Variants in ADK observed in about 807,000 individuals in gnomAD.
The protein encoded by ADK is adenosine kinase.
A neutral mutation model predicts 44.7 loss-of-function variants in ADK; 24 were observed. That is an observed-to-expected ratio of 0.54 (90% CI 0.39 to 0.76). The LOEUF is 0.76. Ranked by LOEUF, ADK falls within the 30% of genes least tolerant of loss-of-function variation. The pLI is 0.00. For synonymous variants in ADK, 128 were observed against 142.6 expected (o/e 0.90, Z 0.73); for missense variants, 321 against 425.1 (o/e 0.76, Z 2.15).
chr10:74,337,832 G>C (rs961827230), intron 4 of ADK, among the ~76,000 whole-genome samples: 1 of 149,442 alleles, frequency 6.7e-6, no homozygotes, highest in Admixed American at 6.7e-5. Flanking sequence ...ATGCAATCTC[G>C]GCTCACCGCA....
intron 1 of ADK, among the ~76,000 whole-genome samples, chr10:74,172,029 A>G (rs1002420385): frequency 1.3e-5 from 2 of 152,106 alleles, no homozygotes; most frequent in African/African-American, 4.8e-5. Context: ...TTGTGTTTGT[A>G]ACTGCTGACA....
At chr10:74,573,953 G>A (rs954291120) in intron 7 of ADK, among the ~76,000 whole-genome samples, 4 of 152,160 alleles carry the variant, frequency 2.6e-5, no homozygotes, top group African/African-American at 7.2e-5. Flanking sequence ...GACCCCTTGC[G>A]CTTCCCGAGT....
At chr10:74,363,996 T>C (rs1842422530) in intron 4 of ADK, among the ~76,000 whole-genome samples, 1 of 152,222 alleles carries the variant, frequency 6.6e-6, no homozygotes, top group African/African-American at 2.4e-5. Context: ...TGGAGCCCCT[T>C]GTCTCATTGA....
At chr10:74,500,753 A>G (rs1316341840) in intron 6 of ADK, among the ~76,000 whole-genome samples, 6 of 152,192 alleles carry the variant, frequency 3.9e-5, no homozygotes, top group Non-Finnish European at 8.8e-5. Flanking sequence ...AATGTTTGCT[A>G]TCTAGTGTCA....
At chr10:74,170,809 A>G (rs1484162970) in intron 1 of ADK, among the ~76,000 whole-genome samples, 3 of 151,300 alleles carry the variant, frequency 2.0e-5, no homozygotes, top group Non-Finnish European at 2.9e-5. Flanking sequence ...CAAAAAAAAA[A>G]AAAAAAGAAA....
At chr10:74,409,296 T>C (rs1844078628) in intron 6 of ADK, among the ~76,000 whole-genome samples, 1 of 152,276 alleles carries the variant, frequency 6.6e-6, no homozygotes, top group Non-Finnish European at 1.5e-5. Context: ...AAGTTTAGGC[T>C]TATTATGGGG....
intron 7 of ADK, among the ~76,000 whole-genome samples, chr10:74,534,513 C>G (rs1417411617): frequency 1.3e-5 from 2 of 152,094 alleles, no homozygotes; most frequent in Non-Finnish European, 1.5e-5. Context: ...GGGTTCTAAT[C>G]ATGACAACTA....
At chr10:74,427,565 G>T (rs989563889) in intron 6 of ADK, among the ~76,000 whole-genome samples, 5 of 152,096 alleles carry the variant, frequency 3.3e-5, no homozygotes, top group Non-Finnish European at 5.9e-5. Context: ...AGTGAGCCTG[G>T]TTTCTCACTA....
intron 9 of ADK, among the ~76,000 whole-genome samples, chr10:74,602,334 C>T (rs1852169899): frequency 2.0e-5 from 3 of 152,098 alleles, no homozygotes; most frequent in Admixed American, 2.0e-4. Context: ...TAGCAGTGGA[C>T]AGTTTAGAAA....
At chr10:74,541,807 A>T (rs1433873409) in intron 7 of ADK, among the ~76,000 whole-genome samples, 5 of 14,858 alleles carry the variant, frequency 3.4e-4, no homozygotes, top group Admixed American at 8.1e-4. Context: ...CCCCCCCCCT[A>T]AAAAAAAACA....
At chr10:74,472,891 CATA>C (rs1321888227) in intron 6 of ADK, among the ~76,000 whole-genome samples, 1 of 152,090 alleles carries the variant, frequency 6.6e-6, no homozygotes, top group Admixed American at 6.5e-5. Context: ...TTTTAGATGT[CATA>C]ATTTTAGCCA....
chr10:74,669,446 G>A (rs952696790), intron 9 of ADK, among the ~76,000 whole-genome samples: 1 of 152,146 alleles, frequency 6.6e-6, no homozygotes, highest in African/African-American at 2.4e-5. Context: ...CATGTTTAAA[G>A]TACTAAATTA....
chr10:74,288,575 G>A (rs1847283235), intron 3 of ADK, among the ~76,000 whole-genome samples: 1 of 151,470 alleles, frequency 6.6e-6, no homozygotes, highest in African/African-American at 2.4e-5. Flanking sequence ...GCTTGAACCC[G>A]GGAGGTGGAG....
chr10:74,462,957 C>G (rs915705050), intron 6 of ADK, among the ~76,000 whole-genome samples: 2 of 152,052 alleles, frequency 1.3e-5, no homozygotes, highest in African/African-American at 4.8e-5. Context: ...GGGATTTAGG[C>G]TTTATGAAGG....
At chr10:74,608,953 C>G (rs981555883) in intron 9 of ADK, among the ~76,000 whole-genome samples, 1 of 152,156 alleles carries the variant, frequency 6.6e-6, no homozygotes, top group African/African-American at 2.4e-5. Flanking sequence ...GGCGGTCTGG[C>G]TACAGTGGCT....
At chr10:74,612,965 T>C (rs1377029585) in intron 9 of ADK, among the ~76,000 whole-genome samples, 1 of 152,134 alleles carries the variant, frequency 6.6e-6, no homozygotes, top group African/African-American at 2.4e-5. Context: ...CTGGGTTCTC[T>C]ATTTTGTTCC....
At position 74,204,025 on chromosome 10, in the gene ADK, C is replaced by G. The variant is rs373440518; in HGVS notation, c.140+3187C>G. On this transcript the variant is annotated intron_variant, in intron 2 of 10. Coordinates refer to ENST00000539909, the MANE Select transcript of ADK (RefSeq NM_006721.4). ...AGGCTGGAGTGCAGTGGCATGATCTCAGCTCACTGCAATCTCCATTTCCCG... is the reference window on the plus strand; with the variant it reads ...AGGCTGGAGTGCAGTGGCATGATCTGAGCTCACTGCAATCTCCATTTCCCG... 2.5e-3 allele frequency among the ~76,000 whole-genome samples: 339 copies of G among 137,366 alleles called. 1 individual carries two copies. The highest frequency in any genetic ancestry group is 8.3e-3 in the African/African-American group (299 of 35,934). 90.1% of individuals were successfully genotyped at this position (137,366 alleles called of 152,430 possible). A position where few individuals can be genotyped will look rare whatever the true frequency, so the allele number is the denominator to read the frequency against.
chr10:74,257,242 G>A (rs148165288), intron 3 of ADK, among the ~76,000 whole-genome samples: 180 of 152,258 alleles, frequency 1.2e-3, no homozygotes, highest in African/African-American at 4.0e-3. Context: ...CCTACATAAA[G>A]GAAAAGTTGG....
chr10:74,507,035 A>AT (rs1442851978), intron 6 of ADK, among the ~76,000 whole-genome samples: 1 of 152,220 alleles, frequency 6.6e-6, no homozygotes, highest in Non-Finnish European at 1.5e-5. Flanking sequence ...TTTTAATGAG[A>AT]TTTTAAAAAC....
Sources: gnomAD v4.1 joint callset for allele counts (sites outside exome capture counted in the v4.1 genomes callset) on GRCh38, gnomAD v4.1.1 for gene constraint, MANE v1.5 for transcripts, NCBI Gene and HGNC (gene_info 2026-07-23, HGNC 2026-07-21) for gene names.